TAOK2: variants seen among roughly 807,000 people sequenced by gnomAD.
The protein encoded by TAOK2 is TAO kinase 2, also known as serine/threonine-protein kinase TAO2.
Under a neutral mutation model 122.5 loss-of-function variants are expected in TAOK2, and 42 were observed. The observed-to-expected ratio is 0.34, with a 90% confidence interval of 0.27 to 0.44. TAOK2 has a LOEUF of 0.44. TAOK2 is among the 20% of genes least tolerant of loss of function. The pLI is 1.00. For missense variants in TAOK2, 1,264 were observed against 1,644.9 expected (o/e 0.77, Z 4.01); for synonymous variants, 704 against 677.6 (o/e 1.04, Z -0.61).
rs1449648594 is a variant in TAOK2 at position 29,988,103 on chromosome 16, C to G, written c.*123C>G. ...CACCTTCCTCAGTTTGCTCACTTAC[C>G]CCAGGCCCAGCCCTTCGGACCTCTA... On this transcript the variant is annotated 3_prime_UTR_variant, in exon 16 of 16. Coordinates refer to ENST00000308893, the MANE Select transcript of TAOK2 (RefSeq NM_016151.4). 3 of 1,435,368 alleles carry G rather than the reference C, an allele frequency of 2.1e-6. No homozygotes were observed. Among genetic ancestry groups the G allele is most frequent in the East Asian group, 5.0e-5 (2 of 39,976 alleles). 88.9% of individuals were successfully genotyped at this position (1,435,368 alleles called of 1,614,324 possible).
chr16:29,989,169 A>G (rs912523497), downstream of TAOK2: 5 of 984,164 alleles, frequency 5.1e-6, no homozygotes, highest in African/African-American at 7.0e-5. Flanking sequence ...ACGTTCTCAT[A>G]TTTGCTCACG....
downstream of TAOK2, chr16:29,991,704 C>T (rs529773534): frequency 1.1e-5 from 13 of 1,151,216 alleles, no homozygotes; most frequent in African/African-American, 1.5e-4. The surrounding 1 kb of genome is among the most constrained non-coding windows in gnomAD (Gnocchi z 5.6). Flanking sequence ...ACCTCCTCAT[C>T]TCATGAGCTT....
Position 29,986,114 on chromosome 16 carries a change from A to G in TAOK2, c.1993-151A>G, listed in dbSNP as rs2069781842. ...CCTGCCATCCCCAGCTCCCTCTGCC[A>G]AGGAGCCCTGGCCCCTCACTTCCTT... On this transcript the variant is annotated intron_variant, in intron 15 of 15. Coordinates refer to ENST00000308893, the MANE Select transcript of TAOK2 (RefSeq NM_016151.4). The surrounding 1 kb of genome is among the most constrained non-coding windows in gnomAD (Gnocchi z 4.2). 15 of 1,259,208 alleles carry G rather than the reference A, an allele frequency of 1.2e-5. No individual in the cohort carries two copies. In the South Asian group the frequency reaches 2.1e-4, roughly 18 times the overall value. 78.0% of individuals were successfully genotyped at this position (1,259,208 alleles called of 1,614,324 possible).
intron 10 of TAOK2, 36 bp downstream of exon 10, chr16:29,981,976 G>A: frequency 6.4e-7 from 1 of 1,557,128 alleles, no homozygotes; most frequent in Non-Finnish European, 8.8e-7. Flanking sequence ...TCCTGGAACT[G>A]TAGCTTGTTA....
chr16:29,991,478 C>A, downstream of TAOK2: 3 of 1,484,318 alleles, frequency 2.0e-6, no homozygotes, highest in Non-Finnish European at 1.8e-6. This position sits in a 1 kb window ranked among gnomAD's most constrained non-coding sequence, Gnocchi z 5.6. Context: ...AGAATGTGGG[C>A]CCCCCTGCTG....
downstream of TAOK2, chr16:29,990,995 A>G (rs577232191): frequency 7.8e-5 from 108 of 1,384,670 alleles, no homozygotes; most frequent in African/African-American, 1.4e-3. Flanking sequence ...AGGACTGGGG[A>G]GGGAGGGTGG....
Position 29,987,544 on chromosome 16 carries a change from G to A in TAOK2, c.3272G>A (p.Arg1091His), listed in dbSNP as rs779997095. 19 of 1,612,126 alleles carry A rather than the reference G, an allele frequency of 1.2e-5. No homozygotes were observed. The South Asian group carries it at 1.2e-4, about 10-fold the overall frequency. ...ISRLWLRVLL[R>H]LSPMAFRALQ... ...CGACTCTGGTTGCGGGTTCTGCTGC[G>A]CCTGTCACCCATGGCCTTCCGGGCC... is the stretch of plus-strand genomic sequence containing the variant. Residue 1091 changes from arginine (R) to histidine (H), a missense_variant, in exon 16 of 16, where the codon CGC (arginine) becomes CAC (histidine). Transcript: ENST00000308893.
At position 29,985,217 on chromosome 16, in the gene TAOK2, G is replaced by C; in HGVS notation, c.1427G>C (p.Ser476Thr). 5 of 1,498,942 alleles carry C rather than the reference G, an allele frequency of 3.3e-6. No homozygotes were observed. The South Asian group carries it at 6.9e-5, about 21-fold the overall frequency. The allele number at this position is 1,498,942 out of a possible 1,614,324, so 92.9% of individuals were successfully genotyped here. Residue 476 changes from serine (S) to threonine (T), a missense_variant, in exon 14 of 16, where the codon AGC becomes ACC. Transcript: ENST00000308893. This position sits in a 1 kb window ranked among gnomAD's most constrained non-coding sequence, Gnocchi z 6.9. Reference protein sequence around the residue: ...FATIRTASLVSRQIQEHEQDS... With the variant: ...FATIRTASLVTRQIQEHEQDS... ...TCACCCTCTCTCCTTCCCCAGGTCA[G>C]CCGTCAGATCCAGGAGCATGAGCAG...
At chr16:29,991,085 C>T (rs150248315), downstream of TAOK2, 48 of 1,586,390 alleles carry the variant, frequency 3.0e-5, no homozygotes, top group Non-Finnish European at 3.7e-5. This position sits in a 1 kb window ranked among gnomAD's most constrained non-coding sequence, Gnocchi z 5.6. Context: ...CAGGACGCTC[C>T]GAGCGAATCC....
Position 29,983,499 on chromosome 16 carries a change from C to G in TAOK2, c.1261-4C>G, listed in dbSNP as rs776945675. 1.2e-6 allele frequency: 2 copies of G among 1,606,510 alleles called. No individual in the cohort carries two copies. Among genetic ancestry groups the G allele is most frequent in the African/African-American group, 1.3e-5 (1 of 74,740 alleles). ...CCTTGGGTGTTCCTTCTATCTCCCT[C>G]TAGGGCTCTGACAACCTATATGATG... On this transcript the variant is annotated splice_polypyrimidine_tract_variant and splice_region_variant and intron_variant, in intron 12 of 15. Coordinates refer to ENST00000308893, the MANE Select transcript of TAOK2 (RefSeq NM_016151.4).
At position 29,978,236 on chromosome 16, in the gene TAOK2, T is replaced by C. The variant is rs2069515050; in HGVS notation, c.205-16T>C. The C allele has an allele frequency of 6.2e-7, 1 of 1,614,024 alleles. No individual in the cohort carries two copies. The highest frequency in any genetic ancestry group is 2.2e-5 in the East Asian group (1 of 44,870). On this transcript the variant is annotated splice_polypyrimidine_tract_variant and intron_variant, in intron 3 of 15. Coordinates refer to ENST00000308893, the MANE Select transcript of TAOK2 (RefSeq NM_016151.4). The stretch of plus-strand genomic sequence containing the variant: ...AGATGCAAGCTGGGTAACCTCTGCC[T>C]ACCCTGACCCCCTAGAAATGGCAAG...
rs764483060 is a variant in TAOK2, at chr16:29,977,739, C to T, written c.-34C>T. Reference sequence around the variant, plus strand: ...AAGGGTCCCATTTCCATTCCTCAGGCCAGGCCCCACTCTCAGGGCCCCCAG... The same window carrying T: ...AAGGGTCCCATTTCCATTCCTCAGGTCAGGCCCCACTCTCAGGGCCCCCAG... On this transcript the variant is annotated splice_region_variant and 5_prime_UTR_variant, in exon 2 of 16. Coordinates refer to ENST00000308893, the MANE Select transcript of TAOK2 (RefSeq NM_016151.4). 4.3e-6 allele frequency: 7 copies of T among 1,612,634 alleles called. No homozygotes were observed. Among genetic ancestry groups the T allele is most frequent in the South Asian group, 1.1e-5 (1 of 90,984 alleles).
At chr16:29,984,650 A>G (rs2069724384) in intron 13 of TAOK2, among the ~76,000 whole-genome samples, 1 of 152,130 alleles carries the variant, frequency 6.6e-6, no homozygotes, top group Non-Finnish European at 1.5e-5. Context: ...ATGAGACCTG[A>G]GATCAGACTT....
rs767277640 is a variant in TAOK2, at chr16:29,987,871, G to A, written c.3599G>A (p.Arg1200His). The change falls in exon 16 of 16, where the codon CGC becomes CAC. Residue 1200 changes from arginine to histidine, a missense_variant. This residue lies in a region of TAOK2 where 824 missense variants were observed against 908.7 expected (regional missense o/e 0.91). Coordinates refer to ENST00000308893, the MANE Select transcript of TAOK2 (RefSeq NM_016151.4). ...ACCCGAATCCCCCGGCTACTACCAC[G>A]CAGCCAGCGCCAGCTAGGGCCCCCT... ...RPTRIPRLLPRSQRQLGPPAS... is the reference protein window; with the variant it reads ...RPTRIPRLLPHSQRQLGPPAS... The A allele has an allele frequency of 5.0e-6, 8 of 1,605,582 alleles. No individual in the cohort carries two copies. Among genetic ancestry groups the A allele is most frequent in the Admixed American group, 3.3e-5 (2 of 59,712 alleles).
rs114091285 is a variant in TAOK2 at position 29,976,199 on chromosome 16, A to T, written c.-35-1539A>T. On this transcript the variant is annotated intron_variant, in intron 1 of 15. Coordinates refer to ENST00000308893, the MANE Select transcript of TAOK2 (RefSeq NM_016151.4). ...TCAGGAAGATTCCTTTGGCAAGTTG[A>T]GAGCACCTGCCTTTGTGTGTGGGTG... Among the ~76,000 whole-genome samples, 585 of 152,220 alleles carry T rather than the reference A, an allele frequency of 3.8e-3. 2 individuals carry two copies. Among genetic ancestry groups the T allele is most frequent in the African/African-American group, 0.014 (564 of 41,516 alleles).
intron 1 of TAOK2, among the ~76,000 whole-genome samples, chr16:29,976,661 G>A (rs937442585): frequency 6.6e-6 from 1 of 152,206 alleles, no homozygotes; most frequent in Admixed American, 6.5e-5. Context: ...TGCCCTAGGT[G>A]CTCTTCCCAA....
chr16:29,991,552 C>A, downstream of TAOK2: 1 of 1,480,022 alleles, frequency 6.8e-7, no homozygotes, highest in Non-Finnish European at 9.0e-7. The surrounding 1 kb of genome is among the most constrained non-coding windows in gnomAD (Gnocchi z 5.6). Flanking sequence ...AATGGTTCTT[C>A]CCACTTCTAT....
downstream of TAOK2, chr16:29,988,439 C>A: frequency 3.1e-6 from 4 of 1,269,870 alleles, no homozygotes; most frequent in South Asian, 5.2e-5. Context: ...GTCCTGCCGC[C>A]TAGCCTCCCC....
rs529453709 is a variant in TAOK2 at position 29,985,654 on chromosome 16, C to T, written c.1789-4C>T. On this transcript the variant is annotated splice_region_variant and splice_polypyrimidine_tract_variant and intron_variant, in intron 14 of 15. Transcript: ENST00000308893. This position sits in a 1 kb window ranked among gnomAD's most constrained non-coding sequence, Gnocchi z 6.9. ...TGACCCTGCTTCCCTCTGCACTCGC[C>T]CAGGAGCTCCAGGAGAACCCCAGCA... is the stretch of plus-strand genomic sequence containing the variant. 24 of 1,609,972 alleles carry T rather than the reference C, an allele frequency of 1.5e-5. No individual in the cohort carries two copies. In the African/African-American group the frequency reaches 2.5e-4, roughly 17 times the overall value.
Sources: allele counts gnomAD v4.1 joint callset (sites outside exome capture counted in the v4.1 genomes callset), GRCh38; gene constraint gnomAD v4.1.1; regional missense constraint gnomAD v4.1.1; non-coding constraint Gnocchi (gnomAD v3.1); transcripts MANE v1.5; gene names NCBI Gene and HGNC (gene_info 2026-07-23, HGNC 2026-07-21).